RGPD4: variants seen among roughly 807,000 people sequenced by gnomAD.
RGPD4 encodes RANBP2 like and GRIP domain containing 4.
Under a neutral mutation model 141.1 loss-of-function variants are expected in RGPD4, and 84 were observed. The observed-to-expected ratio is 0.60, with a 90% CI of 0.50 to 0.71. The LOEUF (loss-of-function observed/expected upper bound fraction) is 0.71. Among genes scored for constraint, RGPD4 ranks in the 30% least tolerant of loss-of-function variants. The pLI is 0.00. For missense variants in RGPD4, 918 were observed against 1,622.4 expected, an observed-to-expected ratio of 0.57 and a Z score of 7.46; for synonymous variants, 298 against 566.8, an observed-to-expected ratio of 0.53 and a Z score of 6.74.
intron 6 of RGPD4, among the ~76,000 whole-genome samples, chr2:107,847,731 G>A (rs1367868501): frequency 1.1e-4 from 9 of 82,532 alleles, no homozygotes; most frequent in Middle Eastern, 5.0e-3. Flanking sequence ...AGGCTGAGTC[G>A]GGAGAATCAC....
At chr2:107,886,471 C>G (rs1337559215) in intron 22 of RGPD4, among the ~76,000 whole-genome samples, 1 of 145,354 alleles carries the variant, frequency 6.9e-6, no homozygotes, top group Non-Finnish European at 1.5e-5. Flanking sequence ...TAACTGCCAA[C>G]CTTTTATATT....
chr2:107,861,719 A>C lies in RGPD4; in HGVS notation c.2184A>C (p.Ser728=). Residue 728 remains serine (S), a synonymous_variant, in exon 15 of 23, where the codon TCA becomes TCC. Transcript: ENST00000408999. ...TAAAGATTTTAGATGACAGTGATTCAAATCTTTCAGTGGTCAAGAAAGTAA... is the reference window on the plus strand; with the variant it reads ...TAAAGATTTTAGATGACAGTGATTCCAATCTTTCAGTGGTCAAGAAAGTAA... ...YLIKILDDSD[S]NLSVVKKLPV... 1 of 1,583,592 alleles carries C rather than the reference A, an allele frequency of 6.3e-7. No individual in the cohort carries two copies. Among genetic ancestry groups the C allele is most frequent in the Non-Finnish European group, 8.6e-7 (1 of 1,165,970 alleles).
At chr2:107,874,230 G>T (rs972804069) in intron 20 of RGPD4, among the ~76,000 whole-genome samples, 1 of 151,554 alleles carries the variant, frequency 6.6e-6, no homozygotes, top group Non-Finnish European at 1.5e-5. Flanking sequence ...GTATGGAAGA[G>T]TGTCCCTGTA....
In RGPD4 at chr2:107,871,312, A is replaced by T; in HGVS notation, c.3308A>T (p.Glu1103Val). The T allele has an allele frequency of 6.2e-7, 1 of 1,603,946 alleles. No homozygotes were observed. The highest frequency in any genetic ancestry group is 8.5e-7 in the Non-Finnish European group (1 of 1,178,616). The stretch of plus-strand genomic sequence containing the variant: ...AAACCAAGAATGCTGATGCGAAGAG[A>T]ACAAGTACTAAAAGTGTGTGCTAAT... ...NGKPRMLMRR[E>V]QVLKVCANHW... The change falls in exon 20 of 23, where the codon GAA becomes GTA. Residue 1103 changes from glutamate to valine, a missense_variant. Coordinates refer to ENST00000408999, the MANE Select transcript of RGPD4 (RefSeq NM_182588.3).
intron 6 of RGPD4, among the ~76,000 whole-genome samples, chr2:107,846,173 G>A (rs1415240241): frequency 6.8e-6 from 1 of 148,058 alleles, no homozygotes; most frequent in Non-Finnish European, 1.5e-5. Flanking sequence ...TGATCCGCCT[G>A]CCTCAGCCTC....
chr2:107,872,868 T>C lies in RGPD4; in HGVS notation c.4864T>C (p.Ser1622Pro). The change falls in exon 20 of 23, where the codon TCT becomes CCT. Residue 1622 changes from serine (S) to proline (P), a missense_variant. Transcript: ENST00000408999. The stretch of plus-strand genomic sequence containing the variant: ...TTCAGATAGCAAAGTCAAAAATCTC[T>C]CTGCTTCCTTTCCAATGGAAGAATC... Reference protein sequence around the residue: ...QSSDSKVKNLSASFPMEESSI... With the variant: ...QSSDSKVKNLPASFPMEESSI... The C allele has an allele frequency of 6.3e-7, 1 of 1,595,702 alleles. No individual in the cohort carries two copies. The highest frequency in any genetic ancestry group is 1.1e-5 in the South Asian group (1 of 90,160).
At position 107,826,916 on chromosome 2, in the gene RGPD4, G is replaced by A. The variant is rs1558782963; in HGVS notation, c.-98G>A. The A allele has an allele frequency of 3.2e-6, 5 of 1,546,304 alleles. No homozygotes were observed. The highest frequency in any genetic ancestry group is 2.5e-5 in the East Asian group (1 of 40,616). ...CACAGTGGTCCTCCGCCGGCTACGC[G>A]GAGTCAGTGGCTTTCAGGCGCTTTC... On this transcript the variant is annotated 5_prime_UTR_variant, in exon 1 of 23. Coordinates refer to ENST00000408999, the MANE Select transcript of RGPD4 (RefSeq NM_182588.3).
chr2:107,830,573 A>G (rs1558787624), intron 1 of RGPD4, among the ~76,000 whole-genome samples: 1 of 152,116 alleles, frequency 6.6e-6, no homozygotes, highest in African/African-American at 2.4e-5. Context: ...AGTCATTTAC[A>G]TTAGAACCTG....
At chr2:107,880,475 G>A (rs1375539952) in intron 21 of RGPD4, among the ~76,000 whole-genome samples, 2 of 151,382 alleles carry the variant, frequency 1.3e-5, no homozygotes, top group Admixed American at 6.6e-5. Flanking sequence ...ATGTTATCCA[G>A]GATGGTCTCG....
In RGPD4 at chr2:107,891,314, A is replaced by AAT. The variant is rs1675652051; in HGVS notation, c.*585_*586dup. On this transcript the variant is annotated 3_prime_UTR_variant, in exon 23 of 23. Transcript: ENST00000408999. ...AGAGCGAGACCTTGTCTCTAAAAATAATAATAGTAATAAAAATAACATTTT... is the reference window on the plus strand; with the variant it reads ...AGAGCGAGACCTTGTCTCTAAAAATAATATAATAGTAATAAAAATAACATTTT... Among the ~76,000 whole-genome samples, 1 of 105,796 alleles carries AAT rather than the reference A, an allele frequency of 9.5e-6. No individual in the cohort carries two copies. The highest frequency in any genetic ancestry group is 3.3e-4 in the South Asian group (1 of 2,994). The allele number at this position is 105,796 out of a possible 152,430, so 69.4% of individuals were successfully genotyped here. A position where few individuals can be genotyped will look rare whatever the true frequency, so the allele number is the denominator to read the frequency against.
At chr2:107,883,318 T>C (rs948373761) in intron 22 of RGPD4, 5 of 338,596 alleles carry the variant, frequency 1.5e-5, no homozygotes, top group Non-Finnish European at 2.3e-5. Flanking sequence ...GTCCACTTTC[T>C]AGGCAAATGC....
chr2:107,881,649 C>T (rs1443352222), intron 21 of RGPD4, among the ~76,000 whole-genome samples: 1 of 150,622 alleles, frequency 6.6e-6, no homozygotes, highest in Non-Finnish European at 1.5e-5. Context: ...ATACTCTCTT[C>T]ATGATTTCTT....
chr2:107,828,832 G>C (rs1375280970), intron 1 of RGPD4, among the ~76,000 whole-genome samples: 2 of 12,824 alleles, frequency 1.6e-4, no homozygotes, highest in East Asian at 8.3e-4. Context: ...GACCCGGCCC[G>C]GCGGCGGCCT....
chr2:107,883,290 C>T (rs1221075648), intron 22 of RGPD4: 4 of 392,810 alleles, frequency 1.0e-5, no homozygotes, highest in East Asian at 7.1e-5. Flanking sequence ...TAGCCCAACA[C>T]TTGGTCTATA....
chr2:107,855,555 A>G (rs1682277512), intron 8 of RGPD4, among the ~76,000 whole-genome samples: 2 of 151,532 alleles, frequency 1.3e-5, no homozygotes, highest in Admixed American at 6.6e-5. Context: ...TGCCTCTGTA[A>G]GTGTGCTGAG....
At chr2:107,844,201 T>G (rs895447495) in intron 6 of RGPD4, among the ~76,000 whole-genome samples, 1 of 152,018 alleles carries the variant, frequency 6.6e-6, no homozygotes, top group Non-Finnish European at 1.5e-5. Context: ...GTGATTTACC[T>G]TTTTTCCTAA....
chr2:107,832,871 C>T (rs936440597), intron 1 of RGPD4, among the ~76,000 whole-genome samples: 6 of 149,738 alleles, frequency 4.0e-5, no homozygotes, highest in African/African-American at 1.5e-4. Context: ...TCATTTCTTT[C>T]AGTTCTGTAG....
At chr2:107,828,024 G>A (rs1164941557) in intron 1 of RGPD4, among the ~76,000 whole-genome samples, 1 of 65,366 alleles carries the variant, frequency 1.5e-5, no homozygotes, top group Non-Finnish European at 3.1e-5. Flanking sequence ...CGGCGGCCGC[G>A]ATGGCTCAGG....
chr2:107,871,700 A>G lies in RGPD4; in HGVS notation c.3696A>G (p.Ser1232=). The change falls in exon 20 of 23, where the codon TCA becomes TCG. Residue 1232 remains serine (S), a synonymous_variant. Coordinates refer to ENST00000408999, the MANE Select transcript of RGPD4 (RefSeq NM_182588.3). ...CAGGTACAGGTGCGGCCGGTGCCTC[A>G]GACACAACAATAAAACCCAATCCTG... is the stretch of plus-strand genomic sequence containing the variant. ...KGSGTGAAGA[S]DTTIKPNPEN... 2 of 1,610,262 alleles carry G rather than the reference A, an allele frequency of 1.2e-6. No homozygotes were observed. Among genetic ancestry groups the G allele is most frequent in the Non-Finnish European group, 1.7e-6 (2 of 1,179,742 alleles).
Sources: allele counts gnomAD v4.1 joint callset (sites outside exome capture counted in the v4.1 genomes callset), GRCh38; gene constraint gnomAD v4.1.1; transcripts MANE v1.5; gene names NCBI Gene and HGNC (gene_info 2026-07-23, HGNC 2026-07-21).